Variants in RNGTT observed in about 807,000 individuals in gnomAD.
RNGTT encodes RNA guanylyltransferase and 5'-phosphatase.
Under a neutral mutation model 79.3 loss-of-function variants are expected in RNGTT, and 33 were observed. The ratio of observed to expected loss-of-function variants is 0.42; its 90% CI spans 0.32 to 0.56. The LOEUF is 0.56. Ranked by LOEUF, RNGTT falls within the 20% of genes least tolerant of loss-of-function variation. The probability of loss-of-function intolerance (pLI) is 0.17; values close to 1 mark genes in which losing one functional copy is unlikely to be tolerated. For missense variants in RNGTT, 497 were observed against 739.1 expected (o/e 0.67, Z 3.80); for synonymous variants, 222 against 235.9 (o/e 0.94, Z 0.54).
At chr6:88,872,114 A>G (rs1481183355) in intron 8 of RNGTT, among the ~76,000 whole-genome samples, 2 of 152,186 alleles carry the variant, frequency 1.3e-5, no homozygotes, top group Admixed American at 6.5e-5. Flanking sequence ...AACTTCAACC[A>G]TCTTGTAAGC....
intron 8 of RNGTT, among the ~76,000 whole-genome samples, chr6:88,857,375 C>G (rs937162243): frequency 1.3e-5 from 2 of 152,052 alleles, no homozygotes; most frequent in Admixed American, 6.6e-5. Flanking sequence ...AGGAATTTAT[C>G]TTATACTCTA....
At chr6:88,622,620 T>C (rs528008486) in intron 14 of RNGTT, among the ~76,000 whole-genome samples, 1 of 152,292 alleles carries the variant, frequency 6.6e-6, no homozygotes, top group South Asian at 2.1e-4. Flanking sequence ...TTCTCAGGCT[T>C]CTTTGCTAAC....
intron 1 of RNGTT, among the ~76,000 whole-genome samples, chr6:88,952,955 C>G (rs546448300): frequency 6.6e-6 from 1 of 152,158 alleles, no homozygotes; most frequent in Non-Finnish European, 1.5e-5. Flanking sequence ...GCCTGTGGGA[C>G]AAAAGAATCT....
chr6:88,895,440 G>A (rs1783206533), intron 6 of RNGTT, among the ~76,000 whole-genome samples: 1 of 152,038 alleles, frequency 6.6e-6, no homozygotes, highest in South Asian at 2.1e-4. Flanking sequence ...CTCAAAAGAT[G>A]AATAAAGAAG....
At chr6:88,827,899 A>G (rs1780724634) in intron 11 of RNGTT, among the ~76,000 whole-genome samples, 2 of 152,174 alleles carry the variant, frequency 1.3e-5, no homozygotes, top group African/African-American at 4.8e-5. Context: ...TCATGGGCTT[A>G]TAGATAAAAC....
intron 14 of RNGTT, among the ~76,000 whole-genome samples, chr6:88,670,203 T>C (rs1315872427): frequency 6.6e-6 from 1 of 152,228 alleles, no homozygotes; most frequent in Admixed American, 6.5e-5. Flanking sequence ...CACATATGCC[T>C]GTGCAGGTTT....
At position 88,949,159 on chromosome 6, in the gene RNGTT, G is replaced by GAAAAAAAAAAAAA; in HGVS notation, c.65-7992_65-7980dup. On this transcript the variant is annotated intron_variant, in intron 1 of 15. Transcript: ENST00000369485. ...AATAAAAAATAAAATAAAATAAAAT[G>GAAAAAAAAAAAAA]AAAAAAAAAAAAAAAAAAAGAAAAT... is the stretch of plus-strand genomic sequence containing the variant. Among the ~76,000 whole-genome samples the GAAAAAAAAAAAAA allele has an allele frequency of 5.1e-4, 26 of 50,510 alleles. 1 individual carries two copies. The highest frequency in any genetic ancestry group is 8.7e-4 in the African/African-American group (11 of 12,616). 33.1% of individuals were successfully genotyped at this position (50,510 alleles called of 152,430 possible).
intron 14 of RNGTT, among the ~76,000 whole-genome samples, chr6:88,655,247 A>G (rs1435373033): frequency 6.6e-6 from 1 of 152,196 alleles, no homozygotes; most frequent in Non-Finnish European, 1.5e-5. Context: ...ATTAACATTT[A>G]CTTGTTAATA....
At chr6:88,621,726 C>T (rs1772449804) in intron 14 of RNGTT, among the ~76,000 whole-genome samples, 1 of 152,000 alleles carries the variant, frequency 6.6e-6, no homozygotes, top group Admixed American at 6.6e-5. Context: ...TAAGCCCCAA[C>T]AGACCAGATT....
At chr6:88,757,498 T>C (rs1183332597) in intron 13 of RNGTT, among the ~76,000 whole-genome samples, 1 of 152,164 alleles carries the variant, frequency 6.6e-6, no homozygotes, top group African/African-American at 2.4e-5. Context: ...GGGGTAGAGC[T>C]AGTAAAGAGA....
chr6:88,724,589 A>C (rs909770135), intron 13 of RNGTT, among the ~76,000 whole-genome samples: 1 of 151,756 alleles, frequency 6.6e-6, no homozygotes, highest in African/African-American at 2.4e-5. Flanking sequence ...TTCTGGATGA[A>C]ACTCTTCCAC....
chr6:88,792,393 G>C (rs939448857), intron 12 of RNGTT, among the ~76,000 whole-genome samples: 2 of 152,112 alleles, frequency 1.3e-5, no homozygotes, highest in African/African-American at 2.4e-5. Flanking sequence ...TCAGAAAAAG[G>C]CTATTTGAAC....
At chr6:88,656,970 A>C (rs1288131888) in intron 14 of RNGTT, among the ~76,000 whole-genome samples, 1 of 152,110 alleles carries the variant, frequency 6.6e-6, no homozygotes, top group Admixed American at 6.5e-5. Context: ...ACATGCCTGT[A>C]ATCCCAGCTA....
intron 2 of RNGTT, among the ~76,000 whole-genome samples, chr6:88,929,938 A>C (rs12195358): frequency 0.046 from 6,876 of 149,646 alleles, 231 homozygotes; most frequent in East Asian, 0.096. Flanking sequence ...ATATGTATAC[A>C]TATGCATATA....
intron 11 of RNGTT, among the ~76,000 whole-genome samples, chr6:88,832,974 G>A (rs1304464258): frequency 6.6e-6 from 1 of 151,898 alleles, no homozygotes; most frequent in African/African-American, 2.4e-5. Flanking sequence ...TACACTGTTG[G>A]TGGGAGTGTA....
chr6:88,837,546 A>T (rs776602771), intron 11 of RNGTT, among the ~76,000 whole-genome samples: 15 of 152,220 alleles, frequency 9.9e-5, no homozygotes, highest in Non-Finnish European at 2.1e-4. Flanking sequence ...ATTTATAAAC[A>T]TCAATGCAAA....
intron 1 of RNGTT, among the ~76,000 whole-genome samples, chr6:88,949,258 C>CTTTTT (rs1237749319): frequency 6.6e-5 from 7 of 106,276 alleles, no homozygotes; most frequent in Non-Finnish European, 9.4e-5. Flanking sequence ...AATAATCAGT[C>CTTTTT]TTTTTTTTTT....
At chr6:88,877,883 T>C (rs909787873) in intron 8 of RNGTT, among the ~76,000 whole-genome samples, 5 of 152,162 alleles carry the variant, frequency 3.3e-5, no homozygotes, top group African/African-American at 1.2e-4. Flanking sequence ...GATCCCTAAC[T>C]ATAGTTCTGA....
chr6:88,927,310 C>G (rs550808109), intron 4 of RNGTT, among the ~76,000 whole-genome samples: 1 of 151,948 alleles, frequency 6.6e-6, no homozygotes, highest in South Asian at 2.1e-4. Flanking sequence ...GCAGATCACC[C>G]GAGGCCAGGA....
Sources: allele counts gnomAD v4.1 joint callset (sites outside exome capture counted in the v4.1 genomes callset), GRCh38; gene constraint gnomAD v4.1.1; transcripts MANE v1.5; gene names NCBI Gene and HGNC (gene_info 2026-07-23, HGNC 2026-07-21).